The following PDE10A variants were observed in gnomAD, a reference collection of about 807,000 sequenced individuals.
The protein encoded by PDE10A is cAMP and cAMP-inhibited cGMP 3',5'-cyclic phosphodiesterase 10A.
Under a neutral mutation model 97.7 loss-of-function variants are expected in PDE10A, and 39 were observed. The observed-to-expected ratio is 0.40, with a 90% confidence interval of 0.31 to 0.52. PDE10A has a LOEUF of 0.52. PDE10A is among the 20% of genes least tolerant of loss of function. The pLI is 0.56. For synonymous variants in PDE10A, 371 were observed against 376.8 expected (o/e 0.98, Z 0.18); for missense variants, 731 against 1,047.8 (o/e 0.70, Z 4.17).
At chr6:165,435,741 A>G (rs1789969383) in intron 5 of PDE10A, among the ~76,000 whole-genome samples, 1 of 152,188 alleles carries the variant, frequency 6.6e-6, no homozygotes, top group Admixed American at 6.5e-5. Context: ...ACCTCCCTAC[A>G]GACTTGACAC....
chr6:165,987,767 G>C (rs779727857), exon 1 of PDE10A: 82 of 453,190 alleles, frequency 1.8e-4, no homozygotes, highest in Admixed American at 3.3e-4. Flanking sequence ...CAAAGGCTTG[G>C]GGCACTCTGG....
At chr6:165,452,357 A>G (rs959324208) in intron 3 of PDE10A, among the ~76,000 whole-genome samples, 1 of 152,226 alleles carries the variant, frequency 6.6e-6, no homozygotes, top group African/African-American at 2.4e-5. Flanking sequence ...CACAACTGCT[A>G]TGGTTTGAAC....
intron 1 of PDE10A, among the ~76,000 whole-genome samples, chr6:165,548,221 A>C (rs7745362): frequency 0.17 from 25,301 of 151,124 alleles, 2,456 homozygotes; most frequent in African/African-American, 0.25. Flanking sequence ...TACTATCACA[A>C]ATAAAGAGAA....
At chr6:165,429,651 G>A (rs1789415022) in intron 9 of PDE10A, among the ~76,000 whole-genome samples, 2 of 151,946 alleles carry the variant, frequency 1.3e-5, no homozygotes, top group South Asian at 4.1e-4. Context: ...TGACCCTAAA[G>A]TTACCACATC....
chr6:165,645,591 C>T (rs991592420), intron 1 of PDE10A, among the ~76,000 whole-genome samples: 6 of 152,216 alleles, frequency 3.9e-5, no homozygotes, highest in African/African-American at 9.6e-5. Flanking sequence ...CGGTGTCTCA[C>T]GCCTGTAATC....
chr6:165,953,623 A>T (rs1157059085), intron 1 of PDE10A, among the ~76,000 whole-genome samples: 1 of 152,134 alleles, frequency 6.6e-6, no homozygotes, highest in Non-Finnish European at 1.5e-5. Flanking sequence ...TATTTTTTAG[A>T]GAAGTTTTAA....
rs1781419264 is a variant in PDE10A at position 165,332,894 on chromosome 6, C to T, written c.*131G>A. 6 of 666,330 alleles carry T rather than the reference C, an allele frequency of 9.0e-6. 1 individual carries two copies. The highest frequency in any genetic ancestry group is 7.1e-5 in the Admixed American group (3 of 42,490). The allele number at this position is 666,330 out of a possible 1,614,324, so 41.3% of individuals were successfully genotyped here. ...TGCTTGACTTATTTATTTGATGTTA[C>T]CTTCTTGAAGAGGTTTGCACCCCAG... On this transcript the variant is annotated 3_prime_UTR_variant, in exon 22 of 22. Transcript: ENST00000539869.
intron 18 of PDE10A, among the ~76,000 whole-genome samples, chr6:165,367,215 A>G (rs1177345681): frequency 7.2e-6 from 1 of 139,486 alleles, no homozygotes; most frequent in Non-Finnish European, 1.5e-5. Flanking sequence ...TGAAAATATT[A>G]CATATATATA....
rs144648876 is a variant in PDE10A at position 165,459,231 on chromosome 6, C to T, written c.1024-8869G>A. ...ATGAGATCAAAGACTTATCTTGATC[C>T]GCTATTACTGTCATTTAATTTGATG... On this transcript the variant is annotated intron_variant, in intron 3 of 21. Transcript: ENST00000539869. 3.9e-3 allele frequency among the ~76,000 whole-genome samples: 596 copies of T among 152,156 alleles called. 4 individuals carry two copies. The highest frequency in any genetic ancestry group is 0.013 in the African/African-American group (548 of 41,504).
At chr6:165,772,999 A>C (rs961966999) in intron 1 of PDE10A, among the ~76,000 whole-genome samples, 1 of 152,226 alleles carries the variant, frequency 6.6e-6, no homozygotes, top group African/African-American at 2.4e-5. Context: ...CCTTATGCTG[A>C]ATTATTTTTA....
chr6:165,623,148 A>G (rs113575187), intron 1 of PDE10A, among the ~76,000 whole-genome samples: 3,387 of 151,820 alleles, frequency 0.022, 130 homozygotes, highest in African/African-American at 0.077. Flanking sequence ...TCAGGTGTTT[A>G]TTTATTTTTT....
intron 18 of PDE10A, among the ~76,000 whole-genome samples, chr6:165,350,574 T>C (rs546221): frequency 0.22 from 33,830 of 152,004 alleles, 4,056 homozygotes; most frequent in African/African-American, 0.28. Context: ...TAGAGGATTG[T>C]GTTTTGAATT....
In PDE10A at chr6:165,602,356, C is replaced by T. The variant is rs545091885; in HGVS notation, c.866-58788G>A. On this transcript the variant is annotated intron_variant, in intron 1 of 21. Transcript: ENST00000539869. ...AGCTACCAGCCCGTGTGAGTGGACT[C>T]TGGGGAATAATCCACATGTCTCCCT... Among the ~76,000 whole-genome samples, 399 of 152,270 alleles carry T rather than the reference C, an allele frequency of 2.6e-3. 3 individuals carry two copies. Among genetic ancestry groups the T allele is most frequent in the African/African-American group, 9.3e-3 (386 of 41,558 alleles).
At chr6:165,700,408 C>A (rs558993387) in intron 1 of PDE10A, among the ~76,000 whole-genome samples, 7 of 152,222 alleles carry the variant, frequency 4.6e-5, no homozygotes, top group African/African-American at 1.7e-4. Flanking sequence ...TGCATATATC[C>A]ATGAATATGT....
At chr6:165,471,166 A>G (rs1184595982) in intron 3 of PDE10A, among the ~76,000 whole-genome samples, 1 of 152,150 alleles carries the variant, frequency 6.6e-6, no homozygotes, top group Non-Finnish European at 1.5e-5. Context: ...ACCATTTGAC[A>G]TAGTTGATTG....
intron 20 of PDE10A, among the ~76,000 whole-genome samples, chr6:165,338,129 A>T (rs1781756806): frequency 6.6e-6 from 1 of 152,220 alleles, no homozygotes; most frequent in African/African-American, 2.4e-5. Context: ...TCCATTTCTA[A>T]TCAAGAGGGA....
chr6:165,972,001 G>A (rs765492354), intron 1 of PDE10A, among the ~76,000 whole-genome samples: 70 of 152,048 alleles, frequency 4.6e-4, no homozygotes, highest in Non-Finnish European at 1.3e-4. Context: ...TAGCAATCAC[G>A]GCATAAATAA....
intron 1 of PDE10A, among the ~76,000 whole-genome samples, chr6:165,904,524 C>T (rs1038075918): frequency 3.0e-4 from 46 of 152,218 alleles, no homozygotes; most frequent in African/African-American, 1.0e-3. Flanking sequence ...AATAAAGTCT[C>T]GCTCAATATT....
intron 18 of PDE10A, among the ~76,000 whole-genome samples, chr6:165,352,740 A>G (rs2128187453): frequency 6.6e-6 from 1 of 152,302 alleles, no homozygotes; most frequent in South Asian, 2.1e-4. Context: ...TAAAACACAA[A>G]ACTGTAACAC....
Sources: allele counts gnomAD v4.1 joint callset (sites outside exome capture counted in the v4.1 genomes callset), GRCh38; gene constraint gnomAD v4.1.1; transcripts MANE v1.5; gene names NCBI Gene and HGNC (gene_info 2026-07-23, HGNC 2026-07-21).